Variants in CTNNA1 observed in about 807,000 individuals in gnomAD.
CTNNA1 encodes catenin alpha 1.
In CTNNA1, 37 loss-of-function variants were observed where a neutral mutation model predicts 98.4. The ratio of observed to expected loss-of-function variants is 0.38; its 90% CI spans 0.29 to 0.49. The LOEUF (loss-of-function observed/expected upper bound fraction) is 0.49, where lower values mean the gene tolerates loss of function less well. CTNNA1 is among the 20% of genes least tolerant of loss of function. The probability of loss-of-function intolerance (pLI) is 0.95; values close to 1 mark genes in which losing one functional copy is unlikely to be tolerated. For missense variants in CTNNA1, 761 were observed against 1,147.2 expected (o/e 0.66, Z 4.86); for synonymous variants, 404 against 413.2 (o/e 0.98, Z 0.27).
At position 138,929,373 on chromosome 5, in the gene CTNNA1, T is replaced by TG. The variant is rs1427926823; in HGVS notation, c.2010+21dup. ...AGTGCCCGGGTAAGGAAGCGCTCCGTGGGGCAGTTCAGCTTGTGCTGCCGA... is the reference window on the plus strand; with the variant it reads ...AGTGCCCGGGTAAGGAAGCGCTCCGTGGGGGCAGTTCAGCTTGTGCTGCCGA... On this transcript the variant is annotated intron_variant, in intron 14 of 17. Transcript: ENST00000302763. 11 of 1,322,288 alleles carry TG rather than the reference T, an allele frequency of 8.3e-6. No individual in the cohort carries two copies. The highest frequency in any genetic ancestry group is 1.2e-5 in the Non-Finnish European group (11 of 913,902). The allele number at this position is 1,322,288 out of a possible 1,614,324, so 81.9% of individuals were successfully genotyped here.
In CTNNA1 at chr5:138,925,269, T is replaced by C; in HGVS notation, c.1761T>C (p.Phe587=). ...KLLSNTVMPR[F]TEQVEAAVEA... ...CTTTCTCCACAGTCATGCCACGTTT[T>C]ACTGAGCAAGTAGAAGCAGCCGTGG... Residue 587 remains phenylalanine, a synonymous_variant, in exon 13 of 18, where the codon TTT becomes TTC. Transcript: ENST00000302763. 1 of 1,614,002 alleles carries C rather than the reference T, an allele frequency of 6.2e-7. No homozygotes were observed. The highest frequency in any genetic ancestry group is 8.5e-7 in the Non-Finnish European group (1 of 1,179,994).
intron 3 of CTNNA1, among the ~76,000 whole-genome samples, chr5:138,793,755 GGAGTGTTTCT>G (rs1466324778): frequency 6.6e-6 from 1 of 152,160 alleles, no homozygotes; most frequent in East Asian, 1.9e-4. Flanking sequence ...GCCTCTCTTT[GGAGTGTTTCT>G]GAATAGCAGC....
chr5:138,766,227 GTC>G (rs1466220565), intron 1 of CTNNA1, among the ~76,000 whole-genome samples: 1 of 152,164 alleles, frequency 6.6e-6, no homozygotes, highest in Non-Finnish European at 1.5e-5. Context: ...GATGACAGAT[GTC>G]TGAGTCTTGA....
At chr5:138,885,948 C>T (rs1753932634) in intron 7 of CTNNA1, among the ~76,000 whole-genome samples, 1 of 152,158 alleles carries the variant, frequency 6.6e-6, no homozygotes, top group South Asian at 2.1e-4. Flanking sequence ...AAACTTTAAG[C>T]AAAGCTCTTT....
rs1478694314 is a variant in CTNNA1, at chr5:138,800,306, G to C, written c.302-9732G>C. On this transcript the variant is annotated intron_variant, in intron 3 of 17. Transcript: ENST00000302763. ...ATAAGAAAGGCATACCTATAGACTA[G>C]TAAGATTCGAGAAAAAGCAAAGTCA... Among the ~76,000 whole-genome samples the C allele has an allele frequency of 2.0e-5, 3 of 152,170 alleles. No homozygotes were observed. In the East Asian group the frequency reaches 5.8e-4, roughly 29 times the overall value.
chr5:138,769,882 TGTC>T (rs1188842523), intron 1 of CTNNA1, among the ~76,000 whole-genome samples: 1 of 151,734 alleles, frequency 6.6e-6, no homozygotes, highest in Non-Finnish European at 1.5e-5. Context: ...GTTTCGGTCT[TGTC>T]GTCCAGGCTG....
At chr5:138,756,067 C>T (rs1751612740) in intron 1 of CTNNA1, among the ~76,000 whole-genome samples, 1 of 151,496 alleles carries the variant, frequency 6.6e-6, no homozygotes, top group Non-Finnish European at 1.5e-5. Flanking sequence ...TTGAGATAGT[C>T]TTGCTGTGTC....
At chr5:138,932,002 GCCACCCTTTTCTCTTTGA>G in intron 16 of CTNNA1, 1 of 985,550 alleles carries the variant, frequency 1.0e-6, no homozygotes, top group Non-Finnish European at 1.2e-6. Context: ...CTGGGCAGGG[GCCACCCTTTTCTCTTTGA>G]CCATCCCCAA....
At chr5:138,904,477 AATTAAATTTTGATTC>A in intron 10 of CTNNA1, 36 bp downstream of exon 10, 2 of 1,583,654 alleles carry the variant, frequency 1.3e-6, no homozygotes, top group Non-Finnish European at 1.7e-6. Flanking sequence ...AGCATAACCA[AATTAAATTTTGATTC>A]AAGTGGAGAT....
intron 7 of CTNNA1, chr5:138,875,098 T>C (rs1338927408): frequency 1.8e-6 from 1 of 552,994 alleles, no homozygotes; most frequent in Non-Finnish European, 3.1e-6. Flanking sequence ...CTGGAAAGCA[T>C]TGGTTTCATT....
chr5:138,889,017 A>C (rs1157226618), intron 9 of CTNNA1, among the ~76,000 whole-genome samples: 1 of 152,224 alleles, frequency 6.6e-6, no homozygotes, highest in African/African-American at 2.4e-5. Context: ...TTGAAACTAA[A>C]ATTAGAAGAC....
chr5:138,759,979 CCT>C (rs1491508826), intron 1 of CTNNA1, among the ~76,000 whole-genome samples: 1 of 93,980 alleles, frequency 1.1e-5, no homozygotes, highest in African/African-American at 4.5e-5. Context: ...GAATTTCTTT[CCT>C]TTTTTTTTTT....
At chr5:138,799,137 C>T (rs1417895761) in intron 3 of CTNNA1, among the ~76,000 whole-genome samples, 1 of 152,014 alleles carries the variant, frequency 6.6e-6, no homozygotes, top group African/African-American at 2.4e-5. Flanking sequence ...TCCCAAAGTG[C>T]TGAGCCATCG....
chr5:138,895,506 G>A (rs553353907), intron 9 of CTNNA1, among the ~76,000 whole-genome samples: 1 of 151,556 alleles, frequency 6.6e-6, no homozygotes, highest in African/African-American at 2.4e-5. Flanking sequence ...AGTTTTTTGG[G>A]GGGGGGGATG....
rs945900268 is a variant in CTNNA1, at chr5:138,795,519, A to T, written c.301+12147A>T. ...TGGTGAGATCCCTTAATCAAATCAG[A>T]TGTATTTAAGAGAATTTGGTATAAA... is the stretch of plus-strand genomic sequence containing the variant. On this transcript the variant is annotated intron_variant, in intron 3 of 17. Transcript: ENST00000302763. 2.6e-5 allele frequency among the ~76,000 whole-genome samples: 4 copies of T among 152,086 alleles called. No individual in the cohort carries two copies. The East Asian group carries it at 7.7e-4, about 29-fold the overall frequency.
intron 11 of CTNNA1, among the ~76,000 whole-genome samples, chr5:138,919,365 GGGTATGTCTCAGGCTT>G (rs1412002510): frequency 2.6e-5 from 4 of 152,198 alleles, no homozygotes; most frequent in Non-Finnish European, 5.9e-5. Context: ...AGATTAGGTT[GGGTATGTCTCAGGCTT>G]GGTCTCAAGG....
At chr5:138,799,868 G>GTATA (rs1162474554) in intron 3 of CTNNA1, among the ~76,000 whole-genome samples, 35 of 149,140 alleles carry the variant, frequency 2.3e-4, no homozygotes, top group African/African-American at 8.2e-4. Flanking sequence ...ATGTATGTAT[G>GTATA]TATGTATGTA....
At chr5:138,812,747 ATTAG>A (rs1758968638) in intron 5 of CTNNA1, among the ~76,000 whole-genome samples, 1 of 152,096 alleles carries the variant, frequency 6.6e-6, no homozygotes, top group African/African-American at 2.4e-5. Flanking sequence ...TCTTATTGTT[ATTAG>A]TATTTTCCAT....
chr5:138,825,453 T>G (rs1350043771), intron 6 of CTNNA1, among the ~76,000 whole-genome samples: 1 of 144,942 alleles, frequency 6.9e-6, no homozygotes, highest in Admixed American at 7.2e-5. Context: ...ACAGTGCCTC[T>G]TGGCTTCCAG....
Sources: allele counts gnomAD v4.1 joint callset (sites outside exome capture counted in the v4.1 genomes callset), GRCh38; gene constraint gnomAD v4.1.1; transcripts MANE v1.5; gene names NCBI Gene and HGNC (gene_info 2026-07-23, HGNC 2026-07-21).